Variants in ELAVL1 observed in about 807,000 individuals in gnomAD.
ELAVL1 encodes the protein ELAV like RNA binding protein 1.
A neutral mutation model predicts 28.4 loss-of-function variants in ELAVL1; 1 was observed. The observed-to-expected ratio is 0.04, with a 90% CI of 0.01 to 0.17. The LOEUF is 0.17. Ranked by LOEUF, ELAVL1 falls within the 10% of genes least tolerant of loss-of-function variation. The pLI, the probability that ELAVL1 is intolerant of heterozygous loss-of-function variation, is 1.00. For missense variants in ELAVL1, 157 were observed against 447.2 expected, an observed-to-expected ratio of 0.35 and a Z score of 5.85; for synonymous variants, 174 against 183.5, an observed-to-expected ratio of 0.95 and a Z score of 0.42.
chr19:7,960,063 G>A lies in ELAVL1; in HGVS notation c.*3420C>T, dbSNP rs980046617. The A allele has an allele frequency of 1.3e-5, 2 of 152,234 alleles. No individual in the cohort carries two copies. Among genetic ancestry groups the A allele is most frequent in the Non-Finnish European group, 2.9e-5 (2 of 68,054 alleles). 9.4% of individuals were successfully genotyped at this position (152,234 alleles called of 1,614,324 possible). A position where few individuals can be genotyped will look rare whatever the true frequency, so the allele number is the denominator to read the frequency against. On this transcript the variant is annotated 3_prime_UTR_variant, in exon 6 of 6. Transcript: ENST00000407627. ...ATTTCGATTTTTCAAGTCCGATGCC[G>A]GACTGGGTAAGTCATGTCTTTTCAA...
rs983059793 is a variant in ELAVL1, at chr19:7,969,334, G to A, written c.431-1544C>T. Reference sequence around the variant, plus strand: ...CGGGGCCTTGGGTGACCTGTCCAGCGGGCACCCAACTGTCCCCATGTCCTG... The same window carrying A: ...CGGGGCCTTGGGTGACCTGTCCAGCAGGCACCCAACTGTCCCCATGTCCTG... On this transcript the variant is annotated intron_variant, in intron 4 of 5. Coordinates refer to ENST00000407627, the MANE Select transcript of ELAVL1 (RefSeq NM_001419.3). Among the ~76,000 whole-genome samples the A allele has an allele frequency of 8.5e-5, 13 of 152,274 alleles. 1 individual carries two copies. Among genetic ancestry groups the A allele is most frequent in the Admixed American group, 7.8e-4 (12 of 15,298 alleles).
At chr19:8,005,222 A>T (rs1196836943) in intron 1 of ELAVL1, among the ~76,000 whole-genome samples, 1 of 151,810 alleles carries the variant, frequency 6.6e-6, no homozygotes, top group African/African-American at 2.4e-5. Flanking sequence ...CCGGCCGTGC[A>T]GCCCGGCCCC....
intron 3 of ELAVL1, among the ~76,000 whole-genome samples, chr19:7,974,253 G>A (rs903812737): frequency 1.3e-5 from 2 of 152,258 alleles, no homozygotes; most frequent in African/African-American, 4.8e-5. Flanking sequence ...GCTGCAGCGG[G>A]CAAGCAAGCT....
At chr19:7,987,047 C>T (rs1985622036) in intron 2 of ELAVL1, among the ~76,000 whole-genome samples, 1 of 144,820 alleles carries the variant, frequency 6.9e-6, no homozygotes, top group Non-Finnish European at 1.5e-5. Context: ...TCCGGAAGGA[C>T]ATTCCTGCAG....
chr19:7,964,103 A>C (rs150164625), intron 5 of ELAVL1, among the ~76,000 whole-genome samples: 1 of 152,154 alleles, frequency 6.6e-6, no homozygotes, highest in Non-Finnish European at 1.5e-5. Context: ...GGTTCCCCAC[A>C]TTTTAGATGA....
At chr19:7,997,220 C>A (rs1446714195) in intron 1 of ELAVL1, among the ~76,000 whole-genome samples, 1 of 152,178 alleles carries the variant, frequency 6.6e-6, no homozygotes, top group Non-Finnish European at 1.5e-5. Context: ...AAAGGAAAAT[C>A]TATATTCACA....
chr19:7,971,948 G>C (rs991003191), intron 4 of ELAVL1, among the ~76,000 whole-genome samples: 2 of 152,238 alleles, frequency 1.3e-5, no homozygotes, highest in Non-Finnish European at 2.9e-5. Context: ...GGCCCCACCT[G>C]TGTGCACATG....
chr19:8,000,879 C>T (rs1311567718), intron 1 of ELAVL1, among the ~76,000 whole-genome samples: 2 of 152,244 alleles, frequency 1.3e-5, no homozygotes, highest in Non-Finnish European at 2.9e-5. Flanking sequence ...TCCAGGCACC[C>T]CACAGCCCTG....
At chr19:8,003,991 C>G (rs1343049472) in intron 1 of ELAVL1, among the ~76,000 whole-genome samples, 1 of 152,116 alleles carries the variant, frequency 6.6e-6, no homozygotes, top group Non-Finnish European at 1.5e-5. Context: ...TCAGAGGGCC[C>G]GAGTTCAAAC....
intron 1 of ELAVL1, among the ~76,000 whole-genome samples, chr19:7,997,557 C>A (rs1249519202): frequency 1.3e-5 from 2 of 152,102 alleles, no homozygotes; most frequent in African/African-American, 4.8e-5. Flanking sequence ...ACTTTCCAAT[C>A]TTTATTATGG....
At position 7,981,028 on chromosome 19, in the gene ELAVL1, G is replaced by A. The variant is rs1014448398; in HGVS notation, c.276+55C>T. 7 of 1,575,990 alleles carry A rather than the reference G, an allele frequency of 4.4e-6. No individual in the cohort carries two copies. In the Admixed American group the frequency reaches 5.0e-5, roughly 11 times the overall value. ...TGACTGTGAGGCTGGGCGGGGCTCAGCACAGACCTGTGCCCAGGGCAGGAA... is the reference window on the plus strand; with the variant it reads ...TGACTGTGAGGCTGGGCGGGGCTCAACACAGACCTGTGCCCAGGGCAGGAA... On this transcript the variant is annotated intron_variant, in intron 3 of 5. Coordinates refer to ENST00000407627, the MANE Select transcript of ELAVL1 (RefSeq NM_001419.3). This position sits in a 1 kb window ranked among gnomAD's most constrained non-coding sequence, Gnocchi z 4.2.
intron 3 of ELAVL1, 45 bp from the exon 4 acceptor site, chr19:7,973,923 C>G: frequency 6.2e-7 from 1 of 1,605,718 alleles, no homozygotes; most frequent in Non-Finnish European, 8.5e-7. Flanking sequence ...GGCACGTGGC[C>G]AAAGCATTGA....
At chr19:7,999,465 T>A (rs1599680691) in intron 1 of ELAVL1, among the ~76,000 whole-genome samples, 1 of 152,234 alleles carries the variant, frequency 6.6e-6, no homozygotes, top group Admixed American at 6.5e-5. Flanking sequence ...AAACCTTTGT[T>A]ACTGTCCCAA....
Position 7,990,458 on chromosome 19 carries a change from G to A in ELAVL1, c.172+1186C>T, listed in dbSNP as rs770405113. Reference sequence around the variant, plus strand: ...TCAGCTCACTGCAACCTCAACCCCCGAGACTCAAGCAATTCTCCTGCCTCA... The same window carrying A: ...TCAGCTCACTGCAACCTCAACCCCCAAGACTCAAGCAATTCTCCTGCCTCA... On this transcript the variant is annotated intron_variant, in intron 2 of 5. Coordinates refer to ENST00000407627, the MANE Select transcript of ELAVL1 (RefSeq NM_001419.3). Among the ~76,000 whole-genome samples the A allele has an allele frequency of 2.2e-4, 33 of 149,862 alleles. No individual in the cohort carries two copies. The East Asian group carries it at 3.4e-3, about 15-fold the overall frequency.
At chr19:7,973,990 A>G in intron 3 of ELAVL1, 112 bp from the exon 4 acceptor site, 1 of 1,366,388 alleles carries the variant, frequency 7.3e-7, no homozygotes, top group Non-Finnish European at 1.0e-6. Flanking sequence ...GAAATCATGC[A>G]GGGAACGATT....
intron 1 of ELAVL1, among the ~76,000 whole-genome samples, chr19:7,993,971 G>C (rs4804247): frequency 1 from 151,563 of 152,300 alleles, 75,416 homozygotes; most frequent in Middle Eastern, 1. Flanking sequence ...CCTCCTACTA[G>C]TCTCAGACAA....
chr19:7,971,725 T>C (rs1305739727), intron 4 of ELAVL1, among the ~76,000 whole-genome samples: 1 of 152,144 alleles, frequency 6.6e-6, no homozygotes, highest in Non-Finnish European at 1.5e-5. Context: ...TACAGGAAGC[T>C]CCCAGGGCCC....
chr19:7,987,470 C>T lies in ELAVL1; in HGVS notation c.172+4174G>A, dbSNP rs566004146. ...CCTTAGCTGGTGTTTGTGGGTGGAA[C>T]AGCCAACAACCAACCAACGCCATAT... is the stretch of plus-strand genomic sequence containing the variant. On this transcript the variant is annotated intron_variant, in intron 2 of 5. Coordinates refer to ENST00000407627, the MANE Select transcript of ELAVL1 (RefSeq NM_001419.3). Among the ~76,000 whole-genome samples, 4 of 152,292 alleles carry T rather than the reference C, an allele frequency of 2.6e-5. No individual in the cohort carries two copies. In the South Asian group the frequency reaches 8.3e-4, roughly 32 times the overall value.
rs529073283 is a variant in ELAVL1, at chr19:7,981,185, T to C, written c.174A>G (p.Gly58=). 1.2e-6 allele frequency: 2 copies of C among 1,614,142 alleles called. No individual in the cohort carries two copies. Among genetic ancestry groups the C allele is most frequent in the Non-Finnish European group, 1.7e-6 (2 of 1,179,994 alleles). Reference sequence around the variant, plus strand: ...TCACAAAGCCATAGCCCAAGCTGTGTCCTGTGCAAGAGAACATGAAGACAT... The same window carrying C: ...TCACAAAGCCATAGCCCAAGCTGTGCCCTGTGCAAGAGAACATGAAGACAT... The part of the protein sequence containing the change: ...SAKLIRDKVA[G]HSLGYGFVNY... The change falls in exon 3 of 6, where the codon GGA becomes GGG. Residue 58 remains glycine, a splice_region_variant and synonymous_variant. Coordinates refer to ENST00000407627, the MANE Select transcript of ELAVL1 (RefSeq NM_001419.3). This position sits in a 1 kb window ranked among gnomAD's most constrained non-coding sequence, Gnocchi z 4.2.
Sources: allele counts gnomAD v4.1 joint callset (sites outside exome capture counted in the v4.1 genomes callset), GRCh38; gene constraint gnomAD v4.1.1; non-coding constraint Gnocchi (gnomAD v3.1); transcripts MANE v1.5; gene names NCBI Gene and HGNC (gene_info 2026-07-23, HGNC 2026-07-21).